The following HIPK3 variants were observed in gnomAD, a reference collection of about 807,000 sequenced individuals.
HIPK3 encodes the protein homeodomain interacting protein kinase 3, also known as homeodomain-interacting protein kinase 3.
HIPK3 carries 47 observed loss-of-function variants against 124.2 expected under a neutral mutation model. The ratio of observed to expected loss-of-function variants is 0.38; its 90% CI spans 0.30 to 0.48. The LOEUF (loss-of-function observed/expected upper bound fraction) is 0.48, where lower values mean the gene tolerates loss of function less well. HIPK3 is among the 20% of genes least tolerant of loss of function. The pLI is 0.98. For missense variants in HIPK3, 1,286 were observed against 1,454.3 expected, an observed-to-expected ratio of 0.88 and a Z score of 1.88; for synonymous variants, 482 against 515.2, an observed-to-expected ratio of 0.94 and a Z score of 0.87.
intron 15 of HIPK3, 23 bp downstream of exon 15, chr11:33,351,866 T>C (rs1334279903): frequency 3.8e-6 from 6 of 1,564,284 alleles, no homozygotes; most frequent in Non-Finnish European, 5.3e-6. Flanking sequence ...CTCCCATTTC[T>C]CTGGTTGTCC....
Position 33,257,479 on chromosome 11 carries a change from C to T in HIPK3, c.-413C>T. 2.0e-6 allele frequency: 2 copies of T among 985,848 alleles called. No individual in the cohort carries two copies. The highest frequency in any genetic ancestry group is 2.4e-6 in the Non-Finnish European group (2 of 830,336). 61.1% of individuals were successfully genotyped at this position (985,848 alleles called of 1,614,324 possible). A position where few individuals can be genotyped will look rare whatever the true frequency, so the allele number is the denominator to read the frequency against. On this transcript the variant is annotated 5_prime_UTR_variant, in exon 1 of 17. Coordinates refer to ENST00000303296, the MANE Select transcript of HIPK3 (RefSeq NM_005734.5). Reference sequence around the variant, plus strand: ...GCCACCACTCCCGCCAGTCTTCCTTCTCCGCTCCCGGCCGGGGCGTCAGGA... The same window carrying T: ...GCCACCACTCCCGCCAGTCTTCCTTTTCCGCTCCCGGCCGGGGCGTCAGGA...
chr11:33,265,728 G>A (rs1177022472), intron 1 of HIPK3, among the ~76,000 whole-genome samples: 1 of 130,378 alleles, frequency 7.7e-6, no homozygotes, highest in African/African-American at 3.0e-5. Flanking sequence ...AGCTAAGATC[G>A]TACCACTGCA....
intron 11 of HIPK3, 59 bp downstream of exon 11, chr11:33,348,072 C>A (rs1853551990): frequency 6.2e-7 from 1 of 1,608,136 alleles, no homozygotes; most frequent in Non-Finnish European, 8.5e-7. Flanking sequence ...ATGAATTTTG[C>A]ATGTACTCTA....
chr11:33,311,181 T>A (rs1213677904), intron 2 of HIPK3, among the ~76,000 whole-genome samples: 1 of 152,192 alleles, frequency 6.6e-6, no homozygotes, highest in Non-Finnish European at 1.5e-5. Flanking sequence ...GCGCATTGTT[T>A]TTTAAATTGT....
chr11:33,275,420 A>C (rs1257100996), intron 1 of HIPK3, among the ~76,000 whole-genome samples: 1 of 152,156 alleles, frequency 6.6e-6, no homozygotes, highest in Admixed American at 6.5e-5. Flanking sequence ...TAAAATATTG[A>C]CACCTAGTTA....
rs528700007 is a variant in HIPK3 at position 33,335,257 on chromosome 11, G to T, written c.1222-1818G>T. Among the ~76,000 whole-genome samples the T allele has an allele frequency of 8.5e-5, 13 of 152,176 alleles. No homozygotes were observed. In the South Asian group the frequency reaches 2.7e-3, roughly 32 times the overall value. On this transcript the variant is annotated intron_variant, in intron 3 of 16. Coordinates refer to ENST00000303296, the MANE Select transcript of HIPK3 (RefSeq NM_005734.5). ...CCAAAGATTGAGGCGCAGATTTAGA[G>T]ATAAAATTGTGGGCACTTAGGACTT...
Position 33,348,749 on chromosome 11 carries a change from C to T in HIPK3, c.2597C>T (p.Ala866Val), listed in dbSNP as rs144093715. 8 of 1,614,008 alleles carry T rather than the reference C, an allele frequency of 5.0e-6. No homozygotes were observed. The African/African-American group carries it at 8.0e-5, about 16-fold the overall frequency. The change falls in exon 13 of 17, where the codon GCA (alanine) becomes GTA (valine). Residue 866 changes from alanine (A) to valine (V), a missense_variant. Ala to Val is a moderately conservative substitution (Grantham distance 64, BLOSUM62 0). Coordinates refer to ENST00000303296, the MANE Select transcript of HIPK3 (RefSeq NM_005734.5). The part of the protein sequence containing the change: ...TIIIADSPSP[A>V]VSVITISSDT... ...ATTATTGCCGACTCCCCGAGTCCTG[C>T]AGTGAGTGTCATCACTATCAGCAGT...
chr11:33,336,514 T>C (rs112665694), intron 3 of HIPK3, among the ~76,000 whole-genome samples: 150 of 152,356 alleles, frequency 9.8e-4, no homozygotes, highest in African/African-American at 3.5e-3. Context: ...CCTTATCCCT[T>C]CACCCATTGT....
intron 3 of HIPK3, among the ~76,000 whole-genome samples, chr11:33,331,848 C>A (rs1429074323): frequency 1.3e-5 from 2 of 152,292 alleles, no homozygotes; most frequent in East Asian, 3.9e-4. Context: ...GTACACACTA[C>A]TGTTGCCTCC....
chr11:33,336,586 A>G (rs565374372), intron 3 of HIPK3, among the ~76,000 whole-genome samples: 88 of 152,276 alleles, frequency 5.8e-4, no homozygotes, highest in African/African-American at 2.1e-3. Context: ...GTGGTTTCCC[A>G]TTATTACCTC....
Position 33,353,092 on chromosome 11 carries a change from G to T in HIPK3, c.3172G>T (p.Val1058Phe), listed in dbSNP as rs374715839. The change falls in exon 17 of 17, where the codon GTT becomes TTT. Residue 1058 changes from valine to phenylalanine, a missense_variant and splice_region_variant. Coordinates refer to ENST00000303296, the MANE Select transcript of HIPK3 (RefSeq NM_005734.5). The stretch of plus-strand genomic sequence containing the variant: ...ATTTTTTTTTTTTCTTTGTGGATAG[G>T]TTCAGCACTTTGGATCTGGGCATCA... ...FQQQHLNFSQ[V>F]QHFGSGHQEW... is the part of the protein sequence containing the mutation. The T allele has an allele frequency of 4.4e-6, 7 of 1,590,474 alleles. No individual in the cohort carries two copies. The African/African-American group carries it at 9.5e-5, about 22-fold the overall frequency.
chr11:33,302,169 G>A (rs1590377198), intron 2 of HIPK3, among the ~76,000 whole-genome samples: 2 of 152,176 alleles, frequency 1.3e-5, no homozygotes, highest in South Asian at 4.2e-4. Context: ...ATTCCTGTGT[G>A]CCTAGACACT....
intron 3 of HIPK3, among the ~76,000 whole-genome samples, chr11:33,328,853 A>G (rs1300291242): frequency 6.6e-6 from 1 of 152,218 alleles, no homozygotes; most frequent in African/African-American, 2.4e-5. Flanking sequence ...CCAGTTTTGT[A>G]AAATTATTGG....
At position 33,352,196 on chromosome 11, in the gene HIPK3, T is replaced by C. The variant is rs1429186306; in HGVS notation, c.3102T>C (p.Pro1034=). ...CTGCCCCTGGAAGATTAAACCAGCC[T>C]TCTGCAGTGGGTACTCGTCAGCAAA... ...GRSAPGRLNQ[P]SAVGTRQQKL... Residue 1034 remains proline, a synonymous_variant, in exon 16 of 17, where the codon CCT becomes CCC. Transcript: ENST00000303296. 1 of 1,613,958 alleles carries C rather than the reference T, an allele frequency of 6.2e-7. No homozygotes were observed. Among genetic ancestry groups the C allele is most frequent in the South Asian group, 1.1e-5 (1 of 91,086 alleles).
chr11:33,274,677 C>A (rs1329269632), intron 1 of HIPK3, among the ~76,000 whole-genome samples: 3 of 152,110 alleles, frequency 2.0e-5, no homozygotes, highest in Non-Finnish European at 4.4e-5. Context: ...TTTTAAAAAT[C>A]TAGAGAATTA....
chr11:33,331,691 T>C (rs931181495), intron 3 of HIPK3, among the ~76,000 whole-genome samples: 2 of 152,196 alleles, frequency 1.3e-5, no homozygotes, highest in Admixed American at 1.3e-4. Context: ...GCAGTTTTTT[T>C]CTAATTATTA....
At position 33,351,469 on chromosome 11, in the gene HIPK3, T is replaced by C. The variant is rs1436354443; in HGVS notation, c.2808-139T>C. 4.8e-6 allele frequency: 3 copies of C among 627,340 alleles called. No individual in the cohort carries two copies. In the African/African-American group the frequency reaches 5.5e-5, roughly 12 times the overall value. 38.9% of individuals were successfully genotyped at this position (627,340 alleles called of 1,614,324 possible). A position where few individuals can be genotyped will look rare whatever the true frequency, so the allele number is the denominator to read the frequency against. ...TAGAAATTTTATGAAAAAGTGCTAT[T>C]GGACAAGGAAAAAGGTGTAATTATA... On this transcript the variant is annotated intron_variant, in intron 14 of 16. Transcript: ENST00000303296.
At chr11:33,313,904 A>G (rs935611132) in intron 2 of HIPK3, among the ~76,000 whole-genome samples, 7 of 152,182 alleles carry the variant, frequency 4.6e-5, no homozygotes, top group African/African-American at 1.7e-4. Flanking sequence ...GTGCAGTGGT[A>G]TAAAGACAGC....
At chr11:33,266,883 A>G (rs1306357723) in intron 1 of HIPK3, among the ~76,000 whole-genome samples, 3 of 152,154 alleles carry the variant, frequency 2.0e-5, no homozygotes, top group African/African-American at 4.8e-5. Flanking sequence ...GATAAACTGT[A>G]TGTTAATTTA....
Sources: gnomAD v4.1 joint callset for allele counts (sites outside exome capture counted in the v4.1 genomes callset) on GRCh38, gnomAD v4.1.1 for gene constraint, MANE v1.5 for transcripts, NCBI Gene and HGNC (gene_info 2026-07-23, HGNC 2026-07-21) for gene names.